The following SLC44A3 variants were observed in gnomAD, a reference collection of about 807,000 sequenced individuals.
The protein encoded by SLC44A3 is choline transporter-like protein 3.
In SLC44A3, 74 loss-of-function variants were observed where a neutral mutation model predicts 75.4. The observed-to-expected ratio is 0.98, with a 90% CI of 0.81 to 1.19. The LOEUF is 1.19. Among genes scored for constraint, SLC44A3 ranks in the 50% most tolerant of loss-of-function variants. SLC44A3 has a pLI of 0.00. For synonymous variants in SLC44A3, 310 were observed against 296.9 expected, an observed-to-expected ratio of 1.04 and a Z score of -0.45; for missense variants, 700 against 778.6, an observed-to-expected ratio of 0.90 and a Z score of 1.20.
rs773246019 is a variant in SLC44A3 at position 94,842,068 on chromosome 1, G to T, written c.829G>T (p.Glu277Ter). 1.9e-6 allele frequency: 3 copies of T among 1,613,642 alleles called. No individual in the cohort carries two copies. Among genetic ancestry groups the T allele is most frequent in the Non-Finnish European group, 1.7e-6 (2 of 1,179,844 alleles). ...CGACCTCAGCATAGAATTGGACACA[G>T]AAAGGGAAAATATGAAGTGCGTGCT... ...TNDLSIELDT[E>*]RENMKCVLGF... is the part of the protein sequence containing the mutation. The change falls in exon 8 of 15, where the codon GAA becomes TAA. Residue 277 changes from glutamate (E) to a stop codon, truncating the protein, a stop_gained. Transcript: ENST00000271227. LOFTEE classifies it high-confidence loss of function.
chr1:94,856,634 A>G (rs1665902111), intron 9 of SLC44A3, among the ~76,000 whole-genome samples: 2 of 152,202 alleles, frequency 1.3e-5, no homozygotes, highest in African/African-American at 4.8e-5. Flanking sequence ...TATGGTAGGA[A>G]AACTACGGAT....
At chr1:94,886,692 A>T (rs1338406599) in intron 12 of SLC44A3, among the ~76,000 whole-genome samples, 2 of 152,016 alleles carry the variant, frequency 1.3e-5, no homozygotes, top group African/African-American at 4.8e-5. Context: ...TGAAGCCCTC[A>T]CAGCCACACA....
chr1:94,849,407 C>T (rs1407346469), intron 9 of SLC44A3, among the ~76,000 whole-genome samples: 1 of 152,196 alleles, frequency 6.6e-6, no homozygotes, highest in East Asian at 1.9e-4. Flanking sequence ...CCGTCCCCTC[C>T]TTCCACCTGC....
intron 12 of SLC44A3, among the ~76,000 whole-genome samples, chr1:94,879,854 GAAAAA>G (rs1197953402): frequency 7.0e-6 from 1 of 141,872 alleles, no homozygotes; most frequent in Non-Finnish European, 1.5e-5. Flanking sequence ...AAAAAAAAAA[GAAAAA>G]AAAAGGAAAA....
chr1:94,876,753 T>C (rs1190115570), intron 12 of SLC44A3, among the ~76,000 whole-genome samples: 1 of 152,252 alleles, frequency 6.6e-6, no homozygotes, highest in Non-Finnish European at 1.5e-5. Context: ...CAGATGATAC[T>C]GTATCATGTC....
At chr1:94,828,699 C>A in intron 5 of SLC44A3, 113 bp downstream of exon 5, 6 of 863,714 alleles carry the variant, frequency 6.9e-6, no homozygotes, top group Non-Finnish European at 9.0e-6. Flanking sequence ...GAGCCCCTGC[C>A]TGCAGGGAGC....
intron 12 of SLC44A3, among the ~76,000 whole-genome samples, chr1:94,881,243 C>T (rs1005695842): frequency 6.6e-6 from 1 of 152,158 alleles, no homozygotes; most frequent in East Asian, 1.9e-4. Context: ...TTCCTCACCC[C>T]TAGGCTCACC....
Position 94,828,587 on chromosome 1 carries a change from G to C in SLC44A3, c.509+1G>C. ...GTCCCAGGCTACCAGTTCCTCCAAG[G>C]TAAAAGCTTCCATACTTTTTCCTTA... On this transcript the variant is annotated splice_donor_variant, in intron 5 of 14. Coordinates refer to ENST00000271227, the MANE Select transcript of SLC44A3 (RefSeq NM_001114106.3). LOFTEE classifies it high-confidence loss of function. 6.2e-7 allele frequency: 1 copy of C among 1,613,360 alleles called. No individual in the cohort carries two copies. The highest frequency in any genetic ancestry group is 8.5e-7 in the Non-Finnish European group (1 of 1,179,630).
At chr1:94,848,738 C>T (rs1664789272) in intron 9 of SLC44A3, among the ~76,000 whole-genome samples, 1 of 151,962 alleles carries the variant, frequency 6.6e-6, no homozygotes, top group Non-Finnish European at 1.5e-5. Flanking sequence ...TATAGTCAAG[C>T]AGGATGGTCC....
intron 1 of SLC44A3, 98 bp downstream of exon 1, chr1:94,820,576 C>A: frequency 7.0e-7 from 1 of 1,432,726 alleles, no homozygotes; most frequent in Non-Finnish European, 9.2e-7. Flanking sequence ...TTCCGCCTTT[C>A]CCGCGCCTCG....
intron 8 of SLC44A3, among the ~76,000 whole-genome samples, chr1:94,844,812 T>C (rs1571247953): frequency 6.6e-6 from 1 of 151,870 alleles, no homozygotes; most frequent in Non-Finnish European, 1.5e-5. Flanking sequence ...TGCAGAATGG[T>C]TTGTTTCATT....
intron 5 of SLC44A3, among the ~76,000 whole-genome samples, chr1:94,832,104 G>A (rs1662209727): frequency 6.6e-6 from 1 of 152,042 alleles, no homozygotes; most frequent in African/African-American, 2.4e-5. Context: ...GGAGGTGGAG[G>A]TTGCAGTGAG....
At chr1:94,825,635 G>T (rs1309467336) in intron 3 of SLC44A3, among the ~76,000 whole-genome samples, 1 of 152,012 alleles carries the variant, frequency 6.6e-6, no homozygotes, top group Non-Finnish European at 1.5e-5. Flanking sequence ...GCCAAAAACG[G>T]ATTTTTAGGA....
chr1:94,863,107 G>T (rs1269263623), intron 10 of SLC44A3, among the ~76,000 whole-genome samples: 2 of 152,114 alleles, frequency 1.3e-5, no homozygotes, highest in Non-Finnish European at 2.9e-5. Context: ...TTGAGGGCAG[G>T]TATTGAGTGA....
intron 12 of SLC44A3, among the ~76,000 whole-genome samples, chr1:94,881,864 A>T (rs1669037107): frequency 7.2e-6 from 1 of 138,222 alleles, no homozygotes; most frequent in Non-Finnish European, 1.6e-5. Flanking sequence ...TACAAAAAAA[A>T]AAAAAATTAG....
rs547531721 is a variant in SLC44A3, at chr1:94,827,551, C to A, written c.323C>A (p.Thr108Lys). Reference protein sequence around the residue: ...MNSCNLEVKGTQLNRMALCVS... With the variant: ...MNSCNLEVKGKQLNRMALCVS... ...TCCTGCAACCTGGAAGTCAAAGGTA[C>A]GCAGCTCAACCGCATGGCCCTCTGT... Residue 108 changes from threonine to lysine, a missense_variant, in exon 4 of 15, where the codon ACG becomes AAG. Transcript: ENST00000271227. The A allele has an allele frequency of 2.2e-5, 35 of 1,614,030 alleles. No individual in the cohort carries two copies. The East Asian group carries it at 7.1e-4, about 33-fold the overall frequency.
chr1:94,876,382 C>G (rs1021818379), intron 12 of SLC44A3, among the ~76,000 whole-genome samples: 1 of 152,176 alleles, frequency 6.6e-6, no homozygotes, highest in African/African-American at 2.4e-5. Context: ...TTGTCTGGAA[C>G]AGTTGTTGTC....
At chr1:94,859,099 G>A (rs1233200128) in intron 10 of SLC44A3, among the ~76,000 whole-genome samples, 1 of 152,190 alleles carries the variant, frequency 6.6e-6, no homozygotes, top group Non-Finnish European at 1.5e-5. Context: ...CCTCCAAGCA[G>A]CCGGGGGTGG....
intron 12 of SLC44A3, among the ~76,000 whole-genome samples, chr1:94,875,056 A>G (rs78580791): frequency 0.014 from 2,166 of 152,248 alleles, 43 homozygotes; most frequent in African/African-American, 0.05. Flanking sequence ...CCCACCTTTT[A>G]CCAGGCCCAG....
Sources: gnomAD v4.1 joint callset for allele counts (sites outside exome capture counted in the v4.1 genomes callset) on GRCh38, gnomAD v4.1.1 for gene constraint, MANE v1.5 for transcripts, NCBI Gene and HGNC (gene_info 2026-07-23, HGNC 2026-07-21) for gene names.